HMCN1: variants seen among roughly 807,000 people sequenced by gnomAD.
The protein encoded by HMCN1 is hemicentin 1.
In HMCN1, 321 loss-of-function variants were observed where a neutral mutation model predicts 625.9. The observed-to-expected ratio is 0.51, with a 90% CI of 0.47 to 0.56. The LOEUF (loss-of-function observed/expected upper bound fraction) is 0.56. Among genes scored for constraint, HMCN1 ranks in the 20% least tolerant of loss-of-function variants. The pLI is 0.00. For missense variants in HMCN1, 6,588 were observed against 6,887.3 expected (o/e 0.96, Z 1.54); for synonymous variants, 2,425 against 2,417.6 (o/e 1.00, Z -0.09).
chr1:185,923,620 G>C lies in HMCN1; in HGVS notation c.1252G>C (p.Val418Leu). 1 of 1,606,732 alleles carries C rather than the reference G, an allele frequency of 6.2e-7. No homozygotes were observed. The highest frequency in any genetic ancestry group is 1.1e-5 in the South Asian group (1 of 90,998). ...YDKDDYLFQR[V>L]SSVSFSSIVP... Reference sequence around the variant, plus strand: ...TAAAGATGATTACCTCTTCCAGAGAGTATCAAGTGTTTCCTTTTCTAGTAT... The same window carrying C: ...TAAAGATGATTACCTCTTCCAGAGACTATCAAGTGTTTCCTTTTCTAGTAT... Residue 418 changes from valine (V) to leucine (L), a missense_variant, in exon 8 of 107, where the codon GTA becomes CTA. This residue lies in a region of HMCN1 where 4,628 missense variants were observed against 4,853.1 expected (regional missense o/e 0.95). Coordinates refer to ENST00000271588, the MANE Select transcript of HMCN1 (RefSeq NM_031935.3).
Position 186,065,344 on chromosome 1 carries a change from C to G in HMCN1, c.7620C>G (p.Val2540=). ...SGGRFLQITN[V]QVPHTGRYTC... Reference sequence around the variant, plus strand: ...GCCGTTTTCTTCAAATTACCAATGTCCAGGTGCCACACACTGGAAGATATA... The same window carrying G: ...GCCGTTTTCTTCAAATTACCAATGTGCAGGTGCCACACACTGGAAGATATA... The change falls in exon 49 of 107, where the codon GTC becomes GTG. Residue 2540 remains valine (V), a synonymous_variant. Coordinates refer to ENST00000271588, the MANE Select transcript of HMCN1 (RefSeq NM_031935.3). 1 of 1,612,388 alleles carries G rather than the reference C, an allele frequency of 6.2e-7. No homozygotes were observed. Among genetic ancestry groups the G allele is most frequent in the Non-Finnish European group, 8.5e-7 (1 of 1,179,674 alleles).
chr1:186,096,803 T>C (rs957300178), intron 68 of HMCN1, among the ~76,000 whole-genome samples: 9 of 152,268 alleles, frequency 5.9e-5, no homozygotes, highest in African/African-American at 2.2e-4. Context: ...TATGATCATT[T>C]CAATAGATGC....
intron 55 of HMCN1, 131 bp downstream of exon 55, chr1:186,078,351 G>A (rs1658954731): frequency 1.4e-6 from 1 of 703,678 alleles, no homozygotes; most frequent in African/African-American, 1.8e-5. Flanking sequence ...TTCTCCCAAG[G>A]AGGTAATTAT....
At chr1:186,057,884 T>G (rs1366790469) in intron 46 of HMCN1, among the ~76,000 whole-genome samples, 1 of 152,042 alleles carries the variant, frequency 6.6e-6, no homozygotes, top group African/African-American at 2.4e-5. Flanking sequence ...ATCATATTCC[T>G]CATATAATTT....
At chr1:186,053,211 A>G in intron 43 of HMCN1, 137 bp downstream of exon 43, 1 of 762,496 alleles carries the variant, frequency 1.3e-6, no homozygotes, top group Admixed American at 2.4e-5. Context: ...AAATTGCTTT[A>G]TATTAAATGT....
intron 20 of HMCN1, among the ~76,000 whole-genome samples, chr1:185,988,293 C>T (rs574534523): frequency 6.6e-6 from 1 of 152,292 alleles, no homozygotes; most frequent in African/African-American, 2.4e-5. Context: ...AAGAAAAGCC[C>T]ATTTCCTGAG....
At chr1:185,971,791 C>T (rs906212350) in intron 15 of HMCN1, among the ~76,000 whole-genome samples, 1 of 152,168 alleles carries the variant, frequency 6.6e-6, no homozygotes, top group African/African-American at 2.4e-5. Context: ...GGTGAACACT[C>T]TGCATTCTTG....
chr1:185,772,602 G>A (rs575062518), intron 1 of HMCN1, among the ~76,000 whole-genome samples: 8 of 152,110 alleles, frequency 5.3e-5, no homozygotes, highest in Non-Finnish European at 1.2e-4. Context: ...GAGGTGTGGA[G>A]TAGAAAAGAA....
At chr1:186,144,120 T>C (rs2102553118) in intron 89 of HMCN1, 53 bp from the exon 90 acceptor site, 1 of 1,519,094 alleles carries the variant, frequency 6.6e-7, no homozygotes, top group Non-Finnish European at 8.8e-7. Context: ...ATAATTTTGG[T>C]TTTAAACAAA....
chr1:186,085,536 C>T (rs1158700462), intron 57 of HMCN1, among the ~76,000 whole-genome samples: 1 of 152,114 alleles, frequency 6.6e-6, no homozygotes, highest in African/African-American at 2.4e-5. Context: ...TACAGCCACA[C>T]TGGGACTTAG....
At chr1:185,971,968 T>A (rs898764178) in intron 15 of HMCN1, among the ~76,000 whole-genome samples, 2 of 152,176 alleles carry the variant, frequency 1.3e-5, no homozygotes, top group Admixed American at 1.3e-4. Flanking sequence ...GGAGGGTAGC[T>A]CTGAATCTAC....
At position 186,094,382 on chromosome 1, in the gene HMCN1, C is replaced by G. The variant is rs765031029; in HGVS notation, c.10294+9C>G. 1.3e-6 allele frequency: 2 copies of G among 1,593,948 alleles called. No homozygotes were observed. Among genetic ancestry groups the G allele is most frequent in the East Asian group, 2.2e-5 (1 of 44,716 alleles). On this transcript the variant is annotated intron_variant, in intron 67 of 106. Coordinates refer to ENST00000271588, the MANE Select transcript of HMCN1 (RefSeq NM_031935.3). The stretch of plus-strand genomic sequence containing the variant: ...CAATCTTCAAGTGTTTGGTATGTGT[C>G]ACAGAAATGACCCTATTACTTTGCT...
At chr1:185,963,121 T>C (rs1650145708) in intron 12 of HMCN1, among the ~76,000 whole-genome samples, 1 of 152,184 alleles carries the variant, frequency 6.6e-6, no homozygotes, top group African/African-American at 2.4e-5. Flanking sequence ...CAGTGGGAAG[T>C]ATTTTATTTC....
intron 11 of HMCN1, among the ~76,000 whole-genome samples, chr1:185,945,946 A>T (rs1288762904): frequency 6.6e-6 from 1 of 152,242 alleles, no homozygotes; most frequent in Non-Finnish European, 1.5e-5. Context: ...ACTTGAAAAA[A>T]CAGTGATTGC....
chr1:185,948,298 C>G (rs143382732), intron 11 of HMCN1, among the ~76,000 whole-genome samples: 155 of 152,230 alleles, frequency 1.0e-3, no homozygotes, highest in South Asian at 3.9e-3. Flanking sequence ...TCCATGTGAA[C>G]AGACCACCAA....
In HMCN1 at chr1:186,166,892, T is replaced by G. The variant is rs1291769209; in HGVS notation, c.15524T>G (p.Val5175Gly). The G allele has an allele frequency of 1.1e-5, 18 of 1,614,042 alleles. No individual in the cohort carries two copies. The East Asian group carries it at 2.9e-4, about 26-fold the overall frequency. Residue 5175 changes from valine to glycine, a missense_variant, in exon 100 of 107, where the codon GTC (valine) becomes GGC (glycine). Physicochemically the swap from Val to Gly is moderately radical, Grantham distance 109 (BLOSUM62 -3). Coordinates refer to ENST00000271588, the MANE Select transcript of HMCN1 (RefSeq NM_031935.3). ...DNTIGSYRCVVRCGSGFRRTS... is the reference protein window; with the variant it reads ...DNTIGSYRCVGRCGSGFRRTS... ...ACGATTGGATCTTATCGCTGTGTGG[T>G]CCGTTGTGGAAGTGGCTTTCGAAGA...
At chr1:186,114,370 C>A (rs1318377472) in intron 73 of HMCN1, among the ~76,000 whole-genome samples, 1 of 152,090 alleles carries the variant, frequency 6.6e-6, no homozygotes, top group Non-Finnish European at 1.5e-5. Context: ...GATTCTCCTG[C>A]CTCAGCCTCC....
At chr1:185,928,725 G>C in intron 10 of HMCN1, 58 bp downstream of exon 10, 1 of 1,563,038 alleles carries the variant, frequency 6.4e-7, no homozygotes, top group South Asian at 1.1e-5. Flanking sequence ...ATGGAAATGG[G>C]ATGTTTGTTA....
chr1:185,903,609 A>G (rs1040467420), intron 4 of HMCN1, among the ~76,000 whole-genome samples: 5 of 151,738 alleles, frequency 3.3e-5, no homozygotes, highest in East Asian at 1.9e-4. Flanking sequence ...TAGGTACACA[A>G]CACCCAAAGA....
Sources: gnomAD v4.1 joint callset for allele counts (sites outside exome capture counted in the v4.1 genomes callset) on GRCh38, gnomAD v4.1.1 for gene constraint, gnomAD v4.1.1 regional missense constraint, MANE v1.5 for transcripts, NCBI Gene and HGNC (gene_info 2026-07-23, HGNC 2026-07-21) for gene names.